LTBP2: variants seen among roughly 807,000 people sequenced by gnomAD.
LTBP2 encodes latent transforming growth factor beta binding protein 2.
A neutral mutation model predicts 210.6 loss-of-function variants in LTBP2; 103 were observed. That is an observed-to-expected ratio of 0.49 (90% CI 0.42 to 0.58). LTBP2 has a LOEUF of 0.58. Among genes scored for constraint, LTBP2 ranks in the 20% least tolerant of loss-of-function variants. LTBP2 has a pLI of 0.00. For missense variants in LTBP2, 2,313 were observed against 2,494.5 expected (o/e 0.93, Z 1.55); for synonymous variants, 1,007 against 1,015.0 (o/e 0.99, Z 0.15).
intron 3 of LTBP2, among the ~76,000 whole-genome samples, chr14:74,559,138 A>G (rs1266714969): frequency 6.6e-6 from 1 of 152,222 alleles, no homozygotes; most frequent in Non-Finnish European, 1.5e-5. Context: ...TGGACTAAAT[A>G]CATCTCCCCA....
At position 74,528,673 on chromosome 14, in the gene LTBP2, G is replaced by A. The variant is rs144866585; in HGVS notation, c.2178C>T (p.Ala726=). The change falls in exon 12 of 36, where the codon GCC becomes GCT. Residue 726 remains alanine (A), a synonymous_variant. Transcript: ENST00000261978. ...AGCTCGCGTAGGTGTAGCCGTGGCCGGCAGGGCAGATCTCTCTGAAGGCCT... is the reference window on the plus strand; with the variant it reads ...AGCTCGCGTAGGTGTAGCCGTGGCCAGCAGGGCAGATCTCTCTGAAGGCCT... The part of the protein sequence containing the change: ...GTEAFREICP[A]GHGYTYASSD... 116 of 1,612,614 alleles carry A rather than the reference G, an allele frequency of 7.2e-5. No homozygotes were observed. Among genetic ancestry groups the A allele is most frequent in the South Asian group, 2.4e-4 (22 of 91,084 alleles).
chr14:74,554,964 G>A (rs1316999035), intron 4 of LTBP2, among the ~76,000 whole-genome samples: 5 of 151,950 alleles, frequency 3.3e-5, no homozygotes, highest in African/African-American at 7.3e-5. Flanking sequence ...ATGGGGCCTC[G>A]GGAAAGGAGG....
chr14:74,517,236 T>A (rs2139704857), intron 17 of LTBP2, among the ~76,000 whole-genome samples: 1 of 152,264 alleles, frequency 6.6e-6, no homozygotes, highest in South Asian at 2.1e-4. Flanking sequence ...AGGGCTGATC[T>A]GGAGGTGGGG....
intron 3 of LTBP2, among the ~76,000 whole-genome samples, chr14:74,555,935 GT>G (rs1205263512): frequency 6.6e-6 from 1 of 152,186 alleles, no homozygotes; most frequent in East Asian, 1.9e-4. Flanking sequence ...CTTTTGGTGG[GT>G]TATTCCGGGC....
At position 74,555,645 on chromosome 14, in the gene LTBP2, C is replaced by T; in HGVS notation, c.879G>A (p.Gly293=). Residue 293 remains glycine (G), a synonymous_variant, in exon 4 of 36, where the codon GGG becomes GGA. Coordinates refer to ENST00000261978, the MANE Select transcript of LTBP2 (RefSeq NM_000428.3). ...GGTGAAGTCGGACAGTGCGGGACAACCCCACGTGCTGCTGGGAAGGGTGGG... is the reference window on the plus strand; with the variant it reads ...GGTGAAGTCGGACAGTGCGGGACAATCCCACGTGCTGCTGGGAAGGGTGGG... ...SQTHPSQQHV[G]LSRTVRLHPT... is the part of the protein sequence containing the mutation. The T allele has an allele frequency of 6.3e-7, 1 of 1,582,866 alleles. No individual in the cohort carries two copies. Among genetic ancestry groups the T allele is most frequent in the Non-Finnish European group, 8.6e-7 (1 of 1,160,528 alleles).
chr14:74,531,399 G>A (rs1010648696), intron 10 of LTBP2, among the ~76,000 whole-genome samples: 1 of 152,240 alleles, frequency 6.6e-6, no homozygotes, highest in Non-Finnish European at 1.5e-5. Context: ...GGGATCTTAA[G>A]TGATGTGGAG....
chr14:74,516,366 T>TCCCACCCTCCCTC (rs1555348584), intron 18 of LTBP2, among the ~76,000 whole-genome samples: 1 of 118,064 alleles, frequency 8.5e-6, no homozygotes. Flanking sequence ...CTCCCTCCCT[T>TCCCACCCTCCCTC]CCTTCCTTCC....
intron 3 of LTBP2, among the ~76,000 whole-genome samples, chr14:74,571,238 G>A (rs1477544244): frequency 3.3e-5 from 5 of 152,128 alleles, no homozygotes; most frequent in Non-Finnish European, 5.9e-5. Context: ...GGAGGCTGAG[G>A]CAGGAGAATT....
At chr14:74,519,104 CAATTA>C (rs1403659632) in intron 17 of LTBP2, among the ~76,000 whole-genome samples, 1 of 152,134 alleles carries the variant, frequency 6.6e-6, no homozygotes, top group African/African-American at 2.4e-5. Flanking sequence ...AACTAGAACT[CAATTA>C]AGGTATAGGA....
rs372981316 is a variant in LTBP2, at chr14:74,501,580, G to T, written c.5181C>A (p.Ala1727=). The part of the protein sequence containing the change: ...HYVASHPEPP[A]GFEGLQAEEC... The stretch of plus-strand genomic sequence containing the variant: ...CCTCCGCCTGAAGCCCTTCGAAGCC[G>T]GCTGGGGGCTCTGGGAGGAGGAAAT... The change falls in exon 35 of 36, where the codon GCC becomes GCA. Residue 1727 remains alanine (A), a synonymous_variant. Coordinates refer to ENST00000261978, the MANE Select transcript of LTBP2 (RefSeq NM_000428.3). The T allele has an allele frequency of 3.7e-6, 6 of 1,613,928 alleles. No individual in the cohort carries two copies. The Admixed American group carries it at 8.3e-5, about 22-fold the overall frequency.
rs1162772455 is a variant in LTBP2, at chr14:74,564,039, A to ATATATATATTTATATATATATT, written c.831-8368_831-8347dup. 4.2e-4 allele frequency among the ~76,000 whole-genome samples: 25 copies of ATATATATATTTATATATATATT among 59,844 alleles called. 1 individual carries two copies. The highest frequency in any genetic ancestry group is 1.7e-3 in the African/African-American group (24 of 14,508). The allele number at this position is 59,844 out of a possible 152,430, so 39.3% of individuals were successfully genotyped here. Reference sequence around the variant, plus strand: ...AAACTGGTGCTATATATATATTTATATATATATATTTATATATATATTTAT... The same window carrying ATATATATATTTATATATATATT: ...AAACTGGTGCTATATATATATTTATATATATATATTTATATATATATTTATATATATTTATATATATATTTAT... On this transcript the variant is annotated intron_variant, in intron 3 of 35. Transcript: ENST00000261978.
chr14:74,501,473 A>G lies in LTBP2; in HGVS notation c.5288T>C (p.Phe1763Ser), dbSNP rs2086909711. The change falls in exon 35 of 36, where the codon TTC becomes TCC. Residue 1763 changes from phenylalanine to serine, a missense_variant. This residue lies in a region of LTBP2 where 443 missense variants were observed against 501.4 expected (regional missense o/e 0.88). Transcript: ENST00000261978. Reference sequence around the variant, plus strand: ...GGCCATGTGGGCCGCATCCAGCTGGAAGCCCTCAAAACAGTCACAGGTGTA... The same window carrying G: ...GGCCATGTGGGCCGCATCCAGCTGGGAGCCCTCAAAACAGTCACAGGTGTA... ...EGYTCDCFEG[F>S]QLDAAHMACV... 1 of 1,614,166 alleles carries G rather than the reference A, an allele frequency of 6.2e-7. No homozygotes were observed. Among genetic ancestry groups the G allele is most frequent in the Non-Finnish European group, 8.5e-7 (1 of 1,180,028 alleles).
rs924069093 is a variant in LTBP2, at chr14:74,508,696, G to A, written c.3560C>T (p.Ala1187Val). ...VNECMGEEHC[A>V]PHGECLNSHG... ...GCTGTTGAGGCACTCGCCGTGGGGT[G>A]CGCAGTGCTCCTCCCCCATGCACTC... The change falls in exon 24 of 36, where the codon GCA (alanine) becomes GTA (valine). Residue 1187 changes from alanine to valine, a missense_variant. By Grantham distance (64) the Ala-to-Val change is moderately conservative. Coordinates refer to ENST00000261978, the MANE Select transcript of LTBP2 (RefSeq NM_000428.3). The A allele has an allele frequency of 3.7e-6, 6 of 1,613,618 alleles. No homozygotes were observed. Among genetic ancestry groups the A allele is most frequent in the Non-Finnish European group, 5.1e-6 (6 of 1,179,988 alleles).
chr14:74,549,360 C>T (rs568341672), intron 8 of LTBP2, among the ~76,000 whole-genome samples: 3 of 152,212 alleles, frequency 2.0e-5, no homozygotes, highest in South Asian at 4.1e-4. Flanking sequence ...TTTTTCCCAT[C>T]GTCCAAAAGA....
In LTBP2 at chr14:74,502,857, CAT is replaced by C. The variant is rs2086927596; in HGVS notation, c.4964_4965del (p.Tyr1655Ter). On this transcript the variant is annotated frameshift_variant, in exon 34 of 36. Transcript: ENST00000261978. LOFTEE classifies it high-confidence loss of function. ...AGGTCATCGGGCCCGGGGCCATACT[CAT>C]AGCCTGGCCGGAAGTGGACCCCGGC... ...REAGVHFRPG[Y>X]EYGPGPDDLH... 2 of 1,614,034 alleles carry C rather than the reference CAT, an allele frequency of 1.2e-6. No homozygotes were observed. The highest frequency in any genetic ancestry group is 1.7e-5 in the Admixed American group (1 of 60,032).
Position 74,508,848 on chromosome 14 carries a change from T to G in LTBP2, c.3508A>C (p.Asn1170His). Residue 1170 changes from asparagine (N) to histidine (H), a missense_variant, in exon 23 of 36, where the codon AAT (asparagine) becomes CAT (histidine). By Grantham distance (68) the Asn-to-His change is moderately conservative. Around this residue, in one of 3 missense-constraint regions of LTBP2, gnomAD observed 1,867 missense variants for 1,976.9 expected, o/e 0.94. Transcript: ENST00000261978. ...CACTCACCCTCACACACGGTGCCAT[T>G]GGCCAGCTGGAAGCCCTGGGGACAG... ...CLCPQGFQLA[N>H]GTVCEDVNEC... is the part of the protein sequence containing the mutation. 6.2e-7 allele frequency: 1 copy of G among 1,613,652 alleles called. No individual in the cohort carries two copies. Among genetic ancestry groups the G allele is most frequent in the Non-Finnish European group, 8.5e-7 (1 of 1,179,932 alleles).
chr14:74,598,210 T>C (rs61980918), intron 2 of LTBP2, among the ~76,000 whole-genome samples: 8,596 of 152,258 alleles, frequency 0.056, 350 homozygotes, highest in Middle Eastern at 0.14. Flanking sequence ...GTGGTTGTCA[T>C]GAATGGGGCA....
chr14:74,511,686 C>T (rs1016693847), intron 18 of LTBP2, among the ~76,000 whole-genome samples: 29 of 152,168 alleles, frequency 1.9e-4, no homozygotes, highest in Non-Finnish European at 1.6e-4. Flanking sequence ...TTCATCTCTC[C>T]CCTGGCGAAT....
At chr14:74,509,095 T>A in intron 22 of LTBP2, 143 bp from the exon 23 acceptor site, 1 of 1,570,762 alleles carries the variant, frequency 6.4e-7, no homozygotes, top group Non-Finnish European at 8.7e-7. Flanking sequence ...GCAGCACAGC[T>A]GGGACAAGCT....
Sources: gnomAD v4.1 joint callset for allele counts (sites outside exome capture counted in the v4.1 genomes callset) on GRCh38, gnomAD v4.1.1 for gene constraint, gnomAD v4.1.1 regional missense constraint, MANE v1.5 for transcripts, NCBI Gene and HGNC (gene_info 2026-07-23, HGNC 2026-07-21) for gene names.